Variants in CPVL observed in about 807,000 individuals in gnomAD.
The protein encoded by CPVL is probable serine carboxypeptidase CPVL.
In CPVL, 51 loss-of-function variants were observed where a neutral mutation model predicts 63.7. The observed-to-expected ratio is 0.80, with a 90% CI of 0.64 to 1.01. The LOEUF (loss-of-function observed/expected upper bound fraction) is 1.01. Among genes scored for constraint, CPVL ranks in the 50% least tolerant of loss-of-function variants. The pLI, the probability that CPVL is intolerant of heterozygous loss-of-function variation, is 0.00. For synonymous variants in CPVL, 195 were observed against 206.0 expected, an observed-to-expected ratio of 0.95 and a Z score of 0.46; for missense variants, 530 against 573.1, an observed-to-expected ratio of 0.92 and a Z score of 0.77.
intron 12 of CPVL, among the ~76,000 whole-genome samples, chr7:29,020,868 T>A (rs1306175839): frequency 6.6e-6 from 1 of 152,318 alleles, no homozygotes; most frequent in South Asian, 2.1e-4. Flanking sequence ...TTAAGAAACA[T>A]TAAATCATAT....
At chr7:29,100,781 A>T (rs535254227) in intron 3 of CPVL, among the ~76,000 whole-genome samples, 2 of 152,348 alleles carry the variant, frequency 1.3e-5, no homozygotes, top group South Asian at 4.1e-4. Context: ...ATGAGGCTCA[A>T]TAACCCTGGA....
intron 5 of CPVL, among the ~76,000 whole-genome samples, chr7:29,178,630 G>A (rs760344360): frequency 6.6e-6 from 1 of 152,076 alleles, no homozygotes; most frequent in Admixed American, 6.6e-5. Flanking sequence ...CATTGTCTGT[G>A]CCTCTTAAGG....
At chr7:29,177,237 ATTTTGTTTTGTTTTGTTTTG>A (rs10535682) in intron 5 of CPVL, among the ~76,000 whole-genome samples, 6 of 146,748 alleles carry the variant, frequency 4.1e-5, no homozygotes, top group Non-Finnish European at 7.5e-5. Context: ...TTTTTGTTTT[ATTTTGTTTTGTTTTGTTTTG>A]TTTTGTTTTG....
chr7:29,064,341 A>G lies in CPVL; in HGVS notation c.964-107T>C. 5 of 620,946 alleles carry G rather than the reference A, an allele frequency of 8.1e-6. No individual in the cohort carries two copies. In the South Asian group the frequency reaches 1.3e-4, roughly 17 times the overall value. 38.5% of individuals were successfully genotyped at this position (620,946 alleles called of 1,614,324 possible). A position where few individuals can be genotyped will look rare whatever the true frequency, so the allele number is the denominator to read the frequency against. On this transcript the variant is annotated intron_variant, in intron 10 of 12. Transcript: ENST00000265394. ...ATAACATACAACATGGAGAAACGTG[A>G]CGGGACTATTAACTTGTCGCCATTC...
intron 11 of CPVL, among the ~76,000 whole-genome samples, chr7:29,044,615 T>C (rs1789440148): frequency 1.3e-5 from 2 of 152,268 alleles, no homozygotes; most frequent in Non-Finnish European, 2.9e-5. Flanking sequence ...TATTATACTA[T>C]GACATAAGGA....
intron 11 of CPVL, among the ~76,000 whole-genome samples, chr7:29,036,325 C>T (rs1334689923): frequency 3.9e-5 from 6 of 152,186 alleles, no homozygotes; most frequent in African/African-American, 1.4e-4. Flanking sequence ...CAGCACAGTG[C>T]CTGACACAGA....
chr7:29,062,740 A>G (rs1433833836), intron 11 of CPVL, among the ~76,000 whole-genome samples: 2 of 152,228 alleles, frequency 1.3e-5, no homozygotes, highest in African/African-American at 4.8e-5. Flanking sequence ...TCAGCATGCC[A>G]GCAAATGGCA....
At chr7:29,164,548 G>A (rs987697477) in intron 5 of CPVL, among the ~76,000 whole-genome samples, 2 of 151,868 alleles carry the variant, frequency 1.3e-5, no homozygotes, top group African/African-American at 4.8e-5. Flanking sequence ...ACTTCGGGGG[G>A]CTGAGGCGGG....
chr7:29,011,933 C>A (rs759479968), intron 12 of CPVL: 7 of 152,104 alleles, frequency 4.6e-5, no homozygotes, highest in Admixed American at 1.3e-4. Flanking sequence ...TGATTTGTTG[C>A]CTACATTTAT....
intron 5 of CPVL, among the ~76,000 whole-genome samples, chr7:29,155,644 G>A (rs1794256934): frequency 6.6e-6 from 1 of 152,142 alleles, no homozygotes; most frequent in African/African-American, 2.4e-5. Flanking sequence ...TCTGAAGCTT[G>A]GAATACAAGC....
At chr7:29,168,057 T>A (rs888559229) in intron 5 of CPVL, among the ~76,000 whole-genome samples, 4 of 152,236 alleles carry the variant, frequency 2.6e-5, no homozygotes, top group Admixed American at 1.3e-4. Flanking sequence ...AAAATTTTGT[T>A]GGTATGATTC....
chr7:29,021,732 AC>A (rs1314905810), intron 12 of CPVL, among the ~76,000 whole-genome samples: 1 of 151,948 alleles, frequency 6.6e-6, no homozygotes, highest in Non-Finnish European at 1.5e-5. Context: ...GAAGATGTTC[AC>A]ACTGGGTCCC....
chr7:29,054,383 T>A (rs1790503862), intron 11 of CPVL, among the ~76,000 whole-genome samples: 1 of 152,228 alleles, frequency 6.6e-6, no homozygotes, highest in South Asian at 2.1e-4. Context: ...AATACTTTTA[T>A]TCTACCATTT....
At chr7:29,023,572 G>A (rs891525358) in intron 12 of CPVL, among the ~76,000 whole-genome samples, 1 of 152,142 alleles carries the variant, frequency 6.6e-6, no homozygotes. Flanking sequence ...ACTCAGACCT[G>A]CTTCTACCAG....
intron 11 of CPVL, among the ~76,000 whole-genome samples, chr7:29,048,347 A>G (rs1446223350): frequency 6.6e-6 from 1 of 152,166 alleles, no homozygotes; most frequent in Non-Finnish European, 1.5e-5. Context: ...GGACTCACAT[A>G]AAGTAAAGGG....
chr7:29,089,912 C>G (rs323190), intron 6 of CPVL, among the ~76,000 whole-genome samples: 142,846 of 151,392 alleles, frequency 0.94, 67,408 homozygotes, highest in Middle Eastern at 0.98. Context: ...GCCCAGGCTG[C>G]AGTGCAGTGG....
At chr7:29,030,438 A>G in intron 12 of CPVL, 139 bp downstream of exon 12, 1 of 782,164 alleles carries the variant, frequency 1.3e-6, no homozygotes, top group South Asian at 1.8e-5. Flanking sequence ...TTCTCTGTGG[A>G]AAGTAGGGCC....
chr7:29,185,748 C>T (rs572126087), intron 2 of CPVL, among the ~76,000 whole-genome samples: 4 of 152,292 alleles, frequency 2.6e-5, no homozygotes, highest in East Asian at 1.9e-4. Context: ...TGCAAACCAT[C>T]GCCCTAGGAC....
chr7:29,010,264 A>G (rs60020303), intron 12 of CPVL: 2 of 149,662 alleles, frequency 1.3e-5, no homozygotes, highest in African/African-American at 4.9e-5. Context: ...AAGTTGCCAA[A>G]TTTTTTTTTT....
Sources: gnomAD v4.1 joint callset for allele counts (sites outside exome capture counted in the v4.1 genomes callset) on GRCh38, gnomAD v4.1.1 for gene constraint, MANE v1.5 for transcripts, NCBI Gene and HGNC (gene_info 2026-07-23, HGNC 2026-07-21) for gene names.